Variants in RAPGEF6 observed in about 807,000 individuals in gnomAD.
RAPGEF6 encodes PDZ domain containing guanine nucleotide exchange factor (GEF) 2.
A neutral mutation model predicts 171.4 loss-of-function variants in RAPGEF6; 56 were observed. The observed-to-expected ratio is 0.33, with a 90% CI of 0.26 to 0.41. The LOEUF (loss-of-function observed/expected upper bound fraction) is 0.41. Among genes scored for constraint, RAPGEF6 ranks in the 10% least tolerant of loss-of-function variants. RAPGEF6 has a pLI of 1.00. For synonymous variants in RAPGEF6, 692 were observed against 650.1 expected, an observed-to-expected ratio of 1.06 and a Z score of -0.98; for missense variants, 1,674 against 1,921.4, an observed-to-expected ratio of 0.87 and a Z score of 2.41.
At chr5:131,577,355 G>A (rs920211469) in intron 4 of RAPGEF6, among the ~76,000 whole-genome samples, 4 of 152,108 alleles carry the variant, frequency 2.6e-5, no homozygotes, top group African/African-American at 9.7e-5. Context: ...AAAAAGACTG[G>A]ACTGTACTTT....
In RAPGEF6 at chr5:131,529,971, G is replaced by A. The variant is rs187606066; in HGVS notation, c.496-8450C>T. 5.1e-3 allele frequency among the ~76,000 whole-genome samples: 702 copies of A among 137,742 alleles called. 4 individuals carry two copies. Among genetic ancestry groups the A allele is most frequent in the African/African-American group, 0.018 (664 of 36,190 alleles). 90.4% of individuals were successfully genotyped at this position (137,742 alleles called of 152,430 possible). On this transcript the variant is annotated intron_variant, in intron 6 of 27. Coordinates refer to ENST00000509018, the MANE Select transcript of RAPGEF6 (RefSeq NM_016340.6). ...CACCCAGGCTAGAGTGTAGTGTCACGATTTCAGCTCACTGCAACCTCTGCC... is the reference window on the plus strand; with the variant it reads ...CACCCAGGCTAGAGTGTAGTGTCACAATTTCAGCTCACTGCAACCTCTGCC...
intron 6 of RAPGEF6, among the ~76,000 whole-genome samples, chr5:131,530,620 T>C (rs1204381229): frequency 1.3e-5 from 2 of 152,212 alleles, no homozygotes. Context: ...GATGGAGACA[T>C]GTACTCTTAC....
chr5:131,478,312 C>T (rs1439008408), intron 16 of RAPGEF6, among the ~76,000 whole-genome samples: 2 of 152,088 alleles, frequency 1.3e-5, no homozygotes, highest in East Asian at 1.9e-4. Flanking sequence ...TCCAAGTTGC[C>T]TCCCAATTGT....
intron 15 of RAPGEF6, among the ~76,000 whole-genome samples, chr5:131,480,705 CTGACCTCAGG>C (rs1325657642): frequency 1.3e-5 from 2 of 152,116 alleles, no homozygotes; most frequent in Non-Finnish European, 2.9e-5. Flanking sequence ...TCTCGAACTC[CTGACCTCAGG>C]TGATTCGCCC....
intron 6 of RAPGEF6, among the ~76,000 whole-genome samples, chr5:131,530,883 T>C (rs1759324372): frequency 6.6e-6 from 1 of 152,236 alleles, no homozygotes; most frequent in Admixed American, 6.5e-5. Flanking sequence ...ACTTCCTTTC[T>C]ACAAGTGGTT....
intron 4 of RAPGEF6, among the ~76,000 whole-genome samples, chr5:131,589,451 G>GTCT (rs1763460723): frequency 6.6e-6 from 1 of 152,166 alleles, no homozygotes. Context: ...TTGGGGGAGA[G>GTCT]GGTAAGAACT....
At chr5:131,537,650 ATAAC>A (rs1339264111) in intron 6 of RAPGEF6, among the ~76,000 whole-genome samples, 5 of 152,212 alleles carry the variant, frequency 3.3e-5, no homozygotes, top group African/African-American at 1.2e-4. Flanking sequence ...ACAAGGATAC[ATAAC>A]TAAACATTCA....
At chr5:131,516,036 AGAT>A (rs1758048356) in intron 7 of RAPGEF6, among the ~76,000 whole-genome samples, 1 of 136,464 alleles carries the variant, frequency 7.3e-6, no homozygotes, top group Non-Finnish European at 1.6e-5. Context: ...ACTAGGACTC[AGAT>A]GATATCCTTT....
intron 4 of RAPGEF6, among the ~76,000 whole-genome samples, chr5:131,585,581 T>G (rs1372326153): frequency 6.6e-6 from 1 of 152,074 alleles, no homozygotes; most frequent in Non-Finnish European, 1.5e-5. Context: ...ATCCCAGCAT[T>G]TTGGGAGGCC....
intron 12 of RAPGEF6, among the ~76,000 whole-genome samples, chr5:131,497,616 C>T (rs748994077): frequency 2.6e-5 from 4 of 152,080 alleles, no homozygotes; most frequent in Non-Finnish European, 4.4e-5. Flanking sequence ...CCAAAGCATG[C>T]CTTTATTTTC....
chr5:131,560,424 T>A (rs1581025458), intron 5 of RAPGEF6, among the ~76,000 whole-genome samples: 1 of 152,318 alleles, frequency 6.6e-6, no homozygotes, highest in East Asian at 1.9e-4. Context: ...AAATATTACA[T>A]AAAGTATGTA....
chr5:131,550,000 G>C (rs1273616862), intron 5 of RAPGEF6, among the ~76,000 whole-genome samples: 2 of 152,074 alleles, frequency 1.3e-5, no homozygotes, highest in Non-Finnish European at 2.9e-5. Context: ...TGCAGATATG[G>C]GGGTGTGGGA....
chr5:131,573,789 C>A (rs1241806974), intron 4 of RAPGEF6, among the ~76,000 whole-genome samples: 1 of 152,158 alleles, frequency 6.6e-6, no homozygotes, highest in Non-Finnish European at 1.5e-5. Context: ...CAGTTCATGG[C>A]CCACTTAGCA....
At chr5:131,631,847 C>T (rs1271453751) in intron 1 of RAPGEF6, among the ~76,000 whole-genome samples, 2 of 152,148 alleles carry the variant, frequency 1.3e-5, no homozygotes, top group African/African-American at 4.8e-5. Context: ...GAGGCCAAGG[C>T]GGGCAGATCA....
chr5:131,541,630 T>C (rs1044075040), intron 6 of RAPGEF6, among the ~76,000 whole-genome samples: 1 of 152,130 alleles, frequency 6.6e-6, no homozygotes, highest in Admixed American at 6.5e-5. Flanking sequence ...GTGCTAGAAT[T>C]AGGCATGAGC....
rs777347551 is a variant in RAPGEF6, at chr5:131,492,571, T to C, written c.1731+11A>G. 3.1e-6 allele frequency: 5 copies of C among 1,613,446 alleles called. No individual in the cohort carries two copies. Among genetic ancestry groups the C allele is most frequent in the Non-Finnish European group, 1.7e-6 (2 of 1,179,482 alleles). ...GAAGGCTTGAATATAAGTGGTTGGT[T>C]ATTTCCTTACCTGATCACCACGTTT... On this transcript the variant is annotated intron_variant, in intron 14 of 27. Transcript: ENST00000509018.
chr5:131,469,843 C>A (rs1754623785), intron 17 of RAPGEF6: 2 of 1,512,694 alleles, frequency 1.3e-6, no homozygotes, highest in South Asian at 1.2e-5. Context: ...AAAGCAAAAT[C>A]AAAGTAAGCA....
chr5:131,564,335 G>T (rs1024155937), intron 4 of RAPGEF6, among the ~76,000 whole-genome samples: 1 of 152,166 alleles, frequency 6.6e-6, no homozygotes, highest in African/African-American at 2.4e-5. Flanking sequence ...TGAGTACTGT[G>T]GATATGTGAG....
intron 12 of RAPGEF6, among the ~76,000 whole-genome samples, chr5:131,497,223 T>A (rs1394214184): frequency 6.6e-6 from 1 of 152,228 alleles, no homozygotes; most frequent in African/African-American, 2.4e-5. Context: ...AACTGTGCTG[T>A]CTTTTCGTTG....
Sources: gnomAD v4.1 joint callset for allele counts (sites outside exome capture counted in the v4.1 genomes callset) on GRCh38, gnomAD v4.1.1 for gene constraint, MANE v1.5 for transcripts, NCBI Gene and HGNC (gene_info 2026-07-23, HGNC 2026-07-21) for gene names.